PRKCH: variants seen among roughly 807,000 people sequenced by gnomAD.
The protein encoded by PRKCH is protein kinase C eta, also known as protein kinase C eta type.
Under a neutral mutation model 82.5 loss-of-function variants are expected in PRKCH, and 28 were observed. The ratio of observed to expected loss-of-function variants is 0.34; its 90% CI spans 0.25 to 0.47. The LOEUF (loss-of-function observed/expected upper bound fraction) is 0.47. Ranked by LOEUF, PRKCH falls within the 20% of genes least tolerant of loss-of-function variation. PRKCH has a pLI of 1.00. For synonymous variants in PRKCH, 322 were observed against 327.4 expected, an observed-to-expected ratio of 0.98 and a Z score of 0.18; for missense variants, 705 against 881.8, an observed-to-expected ratio of 0.80 and a Z score of 2.54.
At chr14:61,451,890 T>C (rs562291801) in intron 6 of PRKCH, among the ~76,000 whole-genome samples, 4 of 152,234 alleles carry the variant, frequency 2.6e-5, no homozygotes, top group Non-Finnish European at 5.9e-5. Context: ...GAAGGGCACA[T>C]TCTTCTATCT....
At chr14:61,322,528 A>T (rs753342021) in intron 1 of PRKCH, 64 bp downstream of exon 1, 6 of 1,522,296 alleles carry the variant, frequency 3.9e-6, no homozygotes, top group Non-Finnish European at 5.3e-6. Context: ...TGTTTTTCAA[A>T]ACTCACCCGG....
At chr14:61,341,948 G>C (rs2045934440) in intron 1 of PRKCH, among the ~76,000 whole-genome samples, 2 of 152,108 alleles carry the variant, frequency 1.3e-5, no homozygotes, top group African/African-American at 4.8e-5. Context: ...CCTGGTAGGT[G>C]CTGAGTAAAT....
At chr14:61,483,062 G>A (rs115803036) in intron 9 of PRKCH, among the ~76,000 whole-genome samples, 343 of 152,360 alleles carry the variant, frequency 2.3e-3, no homozygotes, top group African/African-American at 8.1e-3. Flanking sequence ...GCTGGTTAAC[G>A]AAAACATGTA....
At chr14:61,193,755 T>A (rs2044423274) in intron 1 of PRKCH, among the ~76,000 whole-genome samples, 1 of 152,172 alleles carries the variant, frequency 6.6e-6, no homozygotes, top group African/African-American at 2.4e-5. Context: ...AAGGAGGGTT[T>A]ATTGTAGGGA....
At position 61,370,233 on chromosome 14, in the gene PRKCH, G is replaced by A. The variant is rs930304106; in HGVS notation, c.364-20992G>A. 3.9e-5 allele frequency among the ~76,000 whole-genome samples: 6 copies of A among 152,216 alleles called. No individual in the cohort carries two copies. The East Asian group carries it at 9.6e-4, about 24-fold the overall frequency. On this transcript the variant is annotated intron_variant, in intron 1 of 13. Transcript: ENST00000332981. ...GTTGGGATTACAGGCGTGAGCCACCGCACCCGGCCATGTGTGTTCTTTTAA... is the reference window on the plus strand; with the variant it reads ...GTTGGGATTACAGGCGTGAGCCACCACACCCGGCCATGTGTGTTCTTTTAA...
intron 1 of PRKCH, among the ~76,000 whole-genome samples, chr14:61,351,674 G>A (rs1197540098): frequency 6.6e-6 from 1 of 152,128 alleles, no homozygotes; most frequent in Non-Finnish European, 1.5e-5. Context: ...TGGTATCATA[G>A]TGTCATATTC....
rs561409004 is a variant in PRKCH, at chr14:61,549,892, T to C, written c.*61T>C. The C allele has an allele frequency of 6.4e-7, 1 of 1,561,238 alleles. No homozygotes were observed. Among genetic ancestry groups the C allele is most frequent in the Non-Finnish European group, 8.7e-7 (1 of 1,149,872 alleles). ...AAAGGGAATAGAGATTCTCCAGGAA[T>C]TTCCTCTATGGGACCTTCCCAGCAT... On this transcript the variant is annotated 3_prime_UTR_variant, in exon 14 of 14. Transcript: ENST00000332981.
intron 1 of PRKCH, among the ~76,000 whole-genome samples, chr14:61,264,578 A>T (rs1177623948): frequency 1.3e-5 from 2 of 152,140 alleles, no homozygotes; most frequent in Non-Finnish European, 2.9e-5. Context: ...TCCTAATTCA[A>T]CTCTCTCTAA....
At chr14:61,343,128 C>A (rs1284162767) in intron 1 of PRKCH, among the ~76,000 whole-genome samples, 1 of 152,200 alleles carries the variant, frequency 6.6e-6, no homozygotes, top group Non-Finnish European at 1.5e-5. Context: ...CTTAACTGGA[C>A]TTGACTTTCA....
At chr14:61,204,341 G>A (rs2044505943) in intron 1 of PRKCH, among the ~76,000 whole-genome samples, 2 of 152,112 alleles carry the variant, frequency 1.3e-5, no homozygotes, top group Non-Finnish European at 2.9e-5. Context: ...TATGTATGAG[G>A]AAATTGAGGG....
intron 1 of PRKCH, among the ~76,000 whole-genome samples, chr14:61,266,304 G>A (rs1227110474): frequency 2.0e-5 from 3 of 151,858 alleles, no homozygotes; most frequent in Admixed American, 2.0e-4. Flanking sequence ...TGTAATTCCA[G>A]CTACTCGGGA....
rs889854459 is a variant in PRKCH, at chr14:61,453,486, T to C, written c.960+133T>C. The C allele has an allele frequency of 1.6e-5, 14 of 866,822 alleles. No individual in the cohort carries two copies. The East Asian group carries it at 4.5e-4, about 28-fold the overall frequency. 53.7% of individuals were successfully genotyped at this position (866,822 alleles called of 1,614,324 possible). A position where few individuals can be genotyped will look rare whatever the true frequency, so the allele number is the denominator to read the frequency against. On this transcript the variant is annotated intron_variant, in intron 7 of 13. Transcript: ENST00000332981. The stretch of plus-strand genomic sequence containing the variant: ...CAATAAACAGACTTATTGCCTTTCT[T>C]TCTTTCTTTCTCTTTCTTTCTTTCT...
At chr14:61,347,864 G>A (rs1374226422) in intron 1 of PRKCH, 1 of 152,808 alleles carries the variant, frequency 6.5e-6, no homozygotes, top group Non-Finnish European at 1.5e-5. Context: ...AGGAAGAGAA[G>A]ACCCAGAGTT....
chr14:61,510,675 G>A (rs1031575576), intron 10 of PRKCH, among the ~76,000 whole-genome samples: 9 of 152,032 alleles, frequency 5.9e-5, no homozygotes, highest in African/African-American at 2.2e-4. Context: ...TTTAGACTGG[G>A]GAGCCATCTG....
At chr14:61,188,395 G>C (rs1009886142) in intron 1 of PRKCH, among the ~76,000 whole-genome samples, 1 of 152,196 alleles carries the variant, frequency 6.6e-6, no homozygotes, top group Non-Finnish European at 1.5e-5. Context: ...GCTGGCCCGC[G>C]GCTCTCAGGC....
At chr14:61,208,066 G>A (rs1221214911) in intron 1 of PRKCH, among the ~76,000 whole-genome samples, 2 of 142,506 alleles carry the variant, frequency 1.4e-5, no homozygotes, top group African/African-American at 4.9e-5. Flanking sequence ...ATTATGAAGT[G>A]ACAACTGATT....
At position 61,291,200 on chromosome 14, in the gene PRKCH, G is replaced by A. The variant is rs939269815; in HGVS notation, c.-19+103532G>A. The stretch of plus-strand genomic sequence containing the variant: ...TAGAACATCTAGCTTTTTATACTGA[G>A]AAGGGTATATGTGCATAAGTTTTAA... On this transcript the variant is annotated intron_variant, in intron 1 of 3. Coordinates refer to the PRKCH transcript ENST00000555185. Among the ~76,000 whole-genome samples, 31 of 152,208 alleles carry A rather than the reference G, an allele frequency of 2.0e-4. 1 individual carries two copies. The South Asian group carries it at 4.6e-3, about 22-fold the overall frequency.
At chr14:61,414,995 G>C (rs1009657444) in intron 2 of PRKCH, among the ~76,000 whole-genome samples, 5 of 151,968 alleles carry the variant, frequency 3.3e-5, no homozygotes, top group African/African-American at 2.4e-5. Context: ...CCTTTCATCT[G>C]CAGGGACACT....
At chr14:61,480,058 C>G (rs138114117) in intron 9 of PRKCH, among the ~76,000 whole-genome samples, 104 of 152,330 alleles carry the variant, frequency 6.8e-4, no homozygotes, top group Middle Eastern at 3.4e-3. Flanking sequence ...GATTTCCTAC[C>G]ACACAGGTCA....
Sources: gnomAD v4.1 joint callset for allele counts (sites outside exome capture counted in the v4.1 genomes callset) on GRCh38, gnomAD v4.1.1 for gene constraint, MANE v1.5 for transcripts, NCBI Gene and HGNC (gene_info 2026-07-23, HGNC 2026-07-21) for gene names.